TUSC3: variants seen among roughly 807,000 people sequenced by gnomAD.
TUSC3 encodes the protein tumor suppressor candidate 3.
TUSC3 carries 45 observed loss-of-function variants against 44.8 expected under a neutral mutation model. The ratio of observed to expected loss-of-function variants is 1.00; its 90% confidence interval spans 0.79 to 1.29. The LOEUF is 1.29. Ranked by LOEUF, TUSC3 falls within the 50% of genes most tolerant of loss-of-function variation. The pLI, the probability that TUSC3 is intolerant of heterozygous loss-of-function variation, is 0.00. For missense variants in TUSC3, 519 were observed against 437.9 expected, an observed-to-expected ratio of 1.19 and a Z score of -1.65; for synonymous variants, 212 against 152.9, an observed-to-expected ratio of 1.39 and a Z score of -2.85.
intron 2 of TUSC3, among the ~76,000 whole-genome samples, chr8:15,488,143 G>A (rs2129125518): frequency 6.6e-6 from 1 of 152,066 alleles, no homozygotes; most frequent in East Asian, 1.9e-4. Flanking sequence ...CTTTATTGAA[G>A]TTTCCTTTTC....
chr8:15,485,198 A>C (rs1800717933), intron 2 of TUSC3, among the ~76,000 whole-genome samples: 1 of 152,122 alleles, frequency 6.6e-6, no homozygotes, highest in African/African-American at 2.4e-5. Context: ...GGACACCCTC[A>C]CCAAGTTCCT....
At chr8:15,806,822 C>T in the TUSC3 span, 10 of 911,344 alleles carry the variant, frequency 1.1e-5, no homozygotes, top group Non-Finnish European at 1.8e-5. Context: ...AATGAACTTT[C>T]CTGTTCCTAC....
chr8:15,595,179 C>G (rs992643383), intron 1 of TUSC3, among the ~76,000 whole-genome samples: 1 of 152,160 alleles, frequency 6.6e-6, no homozygotes, highest in African/African-American at 2.4e-5. Flanking sequence ...GTTTGGAGAA[C>G]TGTCCTGTAG....
chr8:15,552,983 G>A (rs1802110048), intron 1 of TUSC3, among the ~76,000 whole-genome samples: 1 of 151,670 alleles, frequency 6.6e-6, no homozygotes, highest in South Asian at 2.1e-4. Context: ...AGACTAGACA[G>A]TACTCGGTAA....
the TUSC3 span, among the ~76,000 whole-genome samples, chr8:15,783,947 C>A: frequency 1.3e-5 from 2 of 152,044 alleles, no homozygotes; most frequent in Non-Finnish European, 2.9e-5. Flanking sequence ...GCAAATTATG[C>A]ATCAGATAAA....
chr8:15,435,468 A>T (rs1489463830), intron 1 of TUSC3, among the ~76,000 whole-genome samples: 1 of 152,248 alleles, frequency 6.6e-6, no homozygotes, highest in Non-Finnish European at 1.5e-5. Context: ...TCTACAGAAA[A>T]TATTTCAATA....
intron 1 of TUSC3, among the ~76,000 whole-genome samples, chr8:15,558,339 C>G (rs536500052): frequency 3.1e-5 from 1 of 32,042 alleles, no homozygotes; most frequent in South Asian, 6.2e-4. Flanking sequence ...CCAGCCTTGC[C>G]GTCCCAGGGA....
the TUSC3 span, among the ~76,000 whole-genome samples, chr8:15,779,093 G>A: frequency 8.3e-6 from 1 of 120,552 alleles, no homozygotes; most frequent in East Asian, 2.6e-4. Context: ...ACCCTCGAAT[G>A]TTTTCTTTTT....
chr8:15,794,474 G>T, the TUSC3 span, among the ~76,000 whole-genome samples: 5 of 152,296 alleles, frequency 3.3e-5, no homozygotes, highest in South Asian at 4.1e-4. Context: ...ACTATAAATG[G>T]TTTGAGATTC....
At chr8:15,643,223 G>GCACA (rs1230885201) in intron 2 of TUSC3, among the ~76,000 whole-genome samples, 2 of 152,188 alleles carry the variant, frequency 1.3e-5, no homozygotes, top group Admixed American at 1.3e-4. Flanking sequence ...GCTGAACTGT[G>GCACA]AGTCAGTTAA....
intron 2 of TUSC3, among the ~76,000 whole-genome samples, chr8:15,518,115 A>G (rs954621783): frequency 1.3e-5 from 2 of 152,144 alleles, no homozygotes; most frequent in Admixed American, 1.3e-4. Flanking sequence ...ATATAAATCT[A>G]CATAATTCCA....
chr8:15,607,718 G>A (rs1250479332), intron 1 of TUSC3, among the ~76,000 whole-genome samples: 1 of 152,132 alleles, frequency 6.6e-6, no homozygotes, highest in Non-Finnish European at 1.5e-5. Context: ...GCATTTTAGA[G>A]TAAGCTGGAG....
intron 2 of TUSC3, among the ~76,000 whole-genome samples, chr8:15,631,950 G>C (rs1020453321): frequency 6.6e-6 from 1 of 152,004 alleles, no homozygotes; most frequent in South Asian, 2.1e-4. Flanking sequence ...CTCCTGATCC[G>C]CCTGCCTTGG....
chr8:15,545,160 C>T (rs1801821519), intron 1 of TUSC3, among the ~76,000 whole-genome samples: 1 of 151,494 alleles, frequency 6.6e-6, no homozygotes, highest in Admixed American at 6.6e-5. Flanking sequence ...TATAACTGGA[C>T]CATCTATCTT....
chr8:15,569,068 G>C (rs1479474732), intron 1 of TUSC3, among the ~76,000 whole-genome samples: 3 of 152,062 alleles, frequency 2.0e-5, no homozygotes, highest in Non-Finnish European at 4.4e-5. Flanking sequence ...TATATTAAAT[G>C]ATCAAATTTT....
At chr8:15,825,889 T>G in the TUSC3 span, among the ~76,000 whole-genome samples, 1 of 98,612 alleles carries the variant, frequency 1.0e-5, no homozygotes, top group Admixed American at 8.8e-5. Context: ...TTGTTTCTTT[T>G]TTTTTTTTTT....
chr8:15,709,232 C>A (rs964459608), intron 6 of TUSC3, among the ~76,000 whole-genome samples: 1 of 151,706 alleles, frequency 6.6e-6, no homozygotes, highest in Non-Finnish European at 1.5e-5. Flanking sequence ...TAATTAGTTA[C>A]TGTTGGAAAA....
chr8:15,719,634 A>G (rs182437561), intron 6 of TUSC3, among the ~76,000 whole-genome samples: 149 of 152,120 alleles, frequency 9.8e-4, no homozygotes, highest in African/African-American at 3.4e-3. Context: ...TAGACACTCA[A>G]TAAATATTTG....
At chr8:15,513,910 C>T (rs548907445) in intron 2 of TUSC3, among the ~76,000 whole-genome samples, 2 of 152,272 alleles carry the variant, frequency 1.3e-5, no homozygotes, top group South Asian at 4.1e-4. Context: ...TCTCCTTTGC[C>T]TCATGCCTCA....
Sources: allele counts gnomAD v4.1 joint callset (sites outside exome capture counted in the v4.1 genomes callset), GRCh38; gene constraint gnomAD v4.1.1; transcripts MANE v1.5; gene names NCBI Gene and HGNC (gene_info 2026-07-23, HGNC 2026-07-21).